The following CAP2 variants were observed in gnomAD, a reference collection of about 807,000 sequenced individuals.
The protein encoded by CAP2 is cyclase associated actin cytoskeleton regulatory protein 2, also known as adenylyl cyclase-associated protein 2.
CAP2 carries 24 observed loss-of-function variants against 57.7 expected under a neutral mutation model. The ratio of observed to expected loss-of-function variants is 0.42; its 90% CI spans 0.30 to 0.58. CAP2 has a LOEUF of 0.58. Ranked by LOEUF, CAP2 falls within the 20% of genes least tolerant of loss-of-function variation. The pLI, the probability that CAP2 is intolerant of heterozygous loss-of-function variation, is 0.22. For missense variants in CAP2, 501 were observed against 590.3 expected (o/e 0.85, Z 1.57); for synonymous variants, 194 against 207.2 (o/e 0.94, Z 0.55).
intron 8 of CAP2, 109 bp downstream of exon 8, chr6:17,539,567 C>A: frequency 1.2e-6 from 1 of 806,368 alleles, no homozygotes; most frequent in Non-Finnish European, 1.9e-6. Context: ...TCCCTGCCTC[C>A]AGCATGCAGG....
intron 1 of CAP2, among the ~76,000 whole-genome samples, chr6:17,414,104 A>G (rs1759214767): frequency 6.6e-6 from 1 of 151,908 alleles, no homozygotes; most frequent in Admixed American, 6.6e-5. Context: ...ATTTGATGGT[A>G]GTTTACCAAA....
intron 4 of CAP2, among the ~76,000 whole-genome samples, chr6:17,471,635 A>G (rs1317081323): frequency 6.6e-6 from 1 of 152,094 alleles, no homozygotes; most frequent in East Asian, 1.9e-4. Context: ...GATCGAGACC[A>G]TCCTGGCTAA....
chr6:17,528,731 G>A (rs889908259), intron 7 of CAP2, among the ~76,000 whole-genome samples: 1 of 152,052 alleles, frequency 6.6e-6, no homozygotes, highest in Non-Finnish European at 1.5e-5. Flanking sequence ...CTGTATTTAA[G>A]TACCGTTAGT....
intron 7 of CAP2, among the ~76,000 whole-genome samples, chr6:17,525,046 G>A (rs777956170): frequency 2.6e-5 from 4 of 151,730 alleles, no homozygotes; most frequent in Admixed American, 1.3e-4. Flanking sequence ...ACAGGTGCGC[G>A]CCACCACACC....
intron 1 of CAP2, among the ~76,000 whole-genome samples, chr6:17,402,178 T>C (rs1758834802): frequency 6.6e-6 from 1 of 152,212 alleles, no homozygotes; most frequent in African/African-American, 2.4e-5. Flanking sequence ...AATGGACCTG[T>C]AATGGAGACG....
intron 6 of CAP2, among the ~76,000 whole-genome samples, chr6:17,508,624 G>T (rs906549948): frequency 3.9e-5 from 6 of 152,128 alleles, no homozygotes; most frequent in Admixed American, 3.9e-4. Context: ...CTCTTAGATG[G>T]CAGCAACAGA....
At chr6:17,496,656 T>C (rs1761675794) in intron 4 of CAP2, among the ~76,000 whole-genome samples, 1 of 152,148 alleles carries the variant, frequency 6.6e-6, no homozygotes, top group South Asian at 2.1e-4. Context: ...AACAATGGAA[T>C]CTTAGGAAGA....
intron 3 of CAP2, among the ~76,000 whole-genome samples, chr6:17,430,654 T>G (rs1759704670): frequency 6.6e-6 from 1 of 151,996 alleles, no homozygotes; most frequent in Non-Finnish European, 1.5e-5. Context: ...TTCTCCTGTC[T>G]CAGCCTCCCA....
chr6:17,404,895 G>T (rs1758915604), intron 1 of CAP2, among the ~76,000 whole-genome samples: 1 of 151,428 alleles, frequency 6.6e-6, no homozygotes, highest in Non-Finnish European at 1.5e-5. Flanking sequence ...CATCGTTATT[G>T]TTCTCCTCTT....
chr6:17,527,597 C>CTTTTTTTTTTTTTTTTTT (rs10668941), intron 7 of CAP2, among the ~76,000 whole-genome samples: 1 of 131,224 alleles, frequency 7.6e-6, no homozygotes, highest in Non-Finnish European at 1.6e-5. Flanking sequence ...TGTTCTCTTT[C>CTTTTTTTTTTTTTTTTTT]TTTTTTTTTT....
intron 7 of CAP2, among the ~76,000 whole-genome samples, chr6:17,518,383 G>A (rs1362301012): frequency 6.6e-6 from 1 of 152,112 alleles, no homozygotes; most frequent in African/African-American, 2.4e-5. Context: ...CGACATTCCA[G>A]CAAAATGGAG....
chr6:17,407,265 G>C (rs1759002878), intron 1 of CAP2, among the ~76,000 whole-genome samples: 1 of 152,168 alleles, frequency 6.6e-6, no homozygotes, highest in African/African-American at 2.4e-5. Context: ...GGAAGAACCT[G>C]TAGTTTTTTA....
At chr6:17,420,025 T>C (rs6941400) in intron 1 of CAP2, among the ~76,000 whole-genome samples, 78,899 of 151,856 alleles carry the variant, frequency 0.52, 22,626 homozygotes, top group African/African-American at 0.77. Flanking sequence ...GCGTGTGCCA[T>C]CAAGCCCAGC....
chr6:17,550,883 C>T (rs1277231913), intron 11 of CAP2, among the ~76,000 whole-genome samples: 1 of 152,066 alleles, frequency 6.6e-6, no homozygotes, highest in African/African-American at 2.4e-5. Context: ...AATACCTAGA[C>T]ATTCATCTCA....
chr6:17,487,871 T>C, intron 4 of CAP2, among the ~76,000 whole-genome samples: 1 of 152,140 alleles, frequency 6.6e-6, no homozygotes, highest in Non-Finnish European at 1.5e-5. Context: ...CTCAAACTCC[T>C]GGGCTCAAGT....
intron 1 of CAP2, among the ~76,000 whole-genome samples, chr6:17,412,852 C>T (rs956762053): frequency 6.6e-6 from 1 of 152,062 alleles, no homozygotes; most frequent in Non-Finnish European, 1.5e-5. Flanking sequence ...TTTCGATAGT[C>T]GATGGAGATG....
At chr6:17,420,188 C>T (rs1326748892) in intron 1 of CAP2, among the ~76,000 whole-genome samples, 1 of 152,146 alleles carries the variant, frequency 6.6e-6, no homozygotes, top group Non-Finnish European at 1.5e-5. Flanking sequence ...CCATTTTTAT[C>T]CCCAGTCCTC....
chr6:17,418,665 A>C (rs963185186), intron 1 of CAP2, among the ~76,000 whole-genome samples: 1 of 146,840 alleles, frequency 6.8e-6, no homozygotes, highest in African/African-American at 2.8e-5. Flanking sequence ...CTAACAAAGC[A>C]AACATTTTTT....
intron 3 of CAP2, among the ~76,000 whole-genome samples, chr6:17,446,312 G>A (rs1760255504): frequency 6.6e-6 from 1 of 152,166 alleles, no homozygotes; most frequent in Non-Finnish European, 1.5e-5. Context: ...GACATAAATA[G>A]GGATTTCTAT....
Sources: gnomAD v4.1 joint callset for allele counts (sites outside exome capture counted in the v4.1 genomes callset) on GRCh38, gnomAD v4.1.1 for gene constraint, MANE v1.5 for transcripts, NCBI Gene and HGNC (gene_info 2026-07-23, HGNC 2026-07-21) for gene names.